ARIH1: variants seen among roughly 807,000 people sequenced by gnomAD.
ARIH1 encodes the protein ariadne RBR E3 ubiquitin protein ligase 1.
ARIH1 carries 8 observed loss-of-function variants against 85.0 expected under a neutral mutation model. That is an observed-to-expected ratio of 0.09 (90% CI 0.06 to 0.17). The LOEUF is 0.17. Among genes scored for constraint, ARIH1 ranks in the 10% least tolerant of loss-of-function variants. The pLI, the probability that ARIH1 is intolerant of heterozygous loss-of-function variation, is 1.00. For synonymous variants in ARIH1, 238 were observed against 253.6 expected (o/e 0.94, Z 0.59); for missense variants, 311 against 718.1 (o/e 0.43, Z 6.48).
intron 2 of ARIH1, among the ~76,000 whole-genome samples, chr15:72,530,496 C>A (rs2064051308): frequency 6.6e-6 from 1 of 152,166 alleles, no homozygotes; most frequent in Admixed American, 6.5e-5. Context: ...GTCCAGAAAA[C>A]CTTAAACCTT....
chr15:72,535,856 TA>T lies in ARIH1; in HGVS notation c.444-8959del, dbSNP rs1254435484. 2.0e-4 allele frequency among the ~76,000 whole-genome samples: 30 copies of T among 152,320 alleles called. 1 individual carries two copies. The highest frequency in any genetic ancestry group is 1.6e-3 in the Admixed American group (24 of 15,290). On this transcript the variant is annotated intron_variant, in intron 2 of 13. Coordinates refer to ENST00000379887, the MANE Select transcript of ARIH1 (RefSeq NM_005744.5). ...TTTCTTTGAAGTAAAAATAGTTTTT[TA>T]AAAATAATGGTTCTTGTCGTTTTGG... is the stretch of plus-strand genomic sequence containing the variant.
At chr15:72,552,566 A>T (rs1437444582) in intron 3 of ARIH1, among the ~76,000 whole-genome samples, 1 of 152,202 alleles carries the variant, frequency 6.6e-6, no homozygotes, top group East Asian at 1.9e-4. Context: ...CTGGGCTTAC[A>T]GGCGTGAGCC....
Position 72,589,151 on chromosome 15 carries a change from C to G in ARIH1, c.*5859C>G, listed in dbSNP as rs1035002543. ...CTTTTGTCTGTATCTTCCAAGCAGCCCTAAAGCAAAATGGGCATTGTTACC... is the reference window on the plus strand; with the variant it reads ...CTTTTGTCTGTATCTTCCAAGCAGCGCTAAAGCAAAATGGGCATTGTTACC... On this transcript the variant is annotated 3_prime_UTR_variant, in exon 14 of 14. Coordinates refer to ENST00000379887, the MANE Select transcript of ARIH1 (RefSeq NM_005744.5). The G allele has an allele frequency of 6.6e-6, 1 of 152,010 alleles. No individual in the cohort carries two copies. Among genetic ancestry groups the G allele is most frequent in the Non-Finnish European group, 1.5e-5 (1 of 68,020 alleles). 9.4% of individuals were successfully genotyped at this position (152,010 alleles called of 1,614,324 possible).
At chr15:72,481,994 G>C (rs931430622) in intron 1 of ARIH1, among the ~76,000 whole-genome samples, 2 of 151,806 alleles carry the variant, frequency 1.3e-5, no homozygotes, top group Non-Finnish European at 2.9e-5. Flanking sequence ...CCACCACTAC[G>C]CCCGGCTAAT....
chr15:72,580,590 A>G, intron 11 of ARIH1, 141 bp from the exon 12 acceptor site: 1 of 779,288 alleles, frequency 1.3e-6, no homozygotes, highest in Non-Finnish European at 2.0e-6. Context: ...ATCTTTGCCA[A>G]GACTTATCTT....
intron 3 of ARIH1, among the ~76,000 whole-genome samples, chr15:72,552,185 G>A (rs1397553425): frequency 2.6e-5 from 4 of 152,162 alleles, no homozygotes; most frequent in Non-Finnish European, 5.9e-5. Flanking sequence ...AAAAAAAAAG[G>A]CAGTGTAAAG....
intron 6 of ARIH1, among the ~76,000 whole-genome samples, chr15:72,561,830 G>A (rs1166102967): frequency 2.6e-5 from 4 of 152,054 alleles, no homozygotes; most frequent in African/African-American, 9.7e-5. Flanking sequence ...AAAATTAGCT[G>A]GGCACAGTGG....
chr15:72,521,241 C>T (rs2063998577), intron 2 of ARIH1, among the ~76,000 whole-genome samples: 1 of 123,342 alleles, frequency 8.1e-6, no homozygotes, highest in Non-Finnish European at 1.6e-5. Context: ...TTTTTGCATA[C>T]CACTATTTTT....
intron 5 of ARIH1, among the ~76,000 whole-genome samples, chr15:72,559,947 T>A (rs2064190881): frequency 1.3e-5 from 2 of 152,346 alleles, no homozygotes; most frequent in South Asian, 4.1e-4. Context: ...ATATGAACAT[T>A]TGTGTACAAG....
intron 6 of ARIH1, among the ~76,000 whole-genome samples, chr15:72,561,879 A>G (rs1306781372): frequency 6.6e-6 from 1 of 152,238 alleles, no homozygotes; most frequent in Non-Finnish European, 1.5e-5. Context: ...AGGCTGAGGC[A>G]GGAGAATCGC....
In ARIH1 at chr15:72,586,017, T is replaced by G. The variant is rs2064315134; in HGVS notation, c.*2725T>G. 6.6e-6 allele frequency: 1 copy of G among 152,212 alleles called. No individual in the cohort carries two copies. Among genetic ancestry groups the G allele is most frequent in the African/African-American group, 2.4e-5 (1 of 41,454 alleles). 9.4% of individuals were successfully genotyped at this position (152,212 alleles called of 1,614,324 possible). A position where few individuals can be genotyped will look rare whatever the true frequency, so the allele number is the denominator to read the frequency against. ...TTTGAACAATTCATTCAGCAGCAGA[T>G]GGACTTTCAGTGATTTAAAATAAAA... On this transcript the variant is annotated 3_prime_UTR_variant, in exon 14 of 14. Transcript: ENST00000379887.
In ARIH1 at chr15:72,523,242, G is replaced by T. The variant is rs2706457; in HGVS notation, c.443+5108G>T. Among the ~76,000 whole-genome samples, 321 of 152,298 alleles carry T rather than the reference G, an allele frequency of 2.1e-3. 1 individual carries two copies. Among genetic ancestry groups the T allele is most frequent in the African/African-American group, 7.6e-3 (316 of 41,566 alleles). On this transcript the variant is annotated intron_variant, in intron 2 of 13. Transcript: ENST00000379887. Reference sequence around the variant, plus strand: ...ATTGCCAAAACTTGGAAGCAACCAAGATGTCTTTCAGTAGATGAAAGGATG... The same window carrying T: ...ATTGCCAAAACTTGGAAGCAACCAATATGTCTTTCAGTAGATGAAAGGATG...
At position 72,583,484 on chromosome 15, in the gene ARIH1, CAA is replaced by C; in HGVS notation, c.*193_*194del. On this transcript the variant is annotated 3_prime_UTR_variant, in exon 14 of 14. Transcript: ENST00000379887. ...ATAAAAAGGTAGATAAACCATTGTACAACAGTATTCTAGGCCACCAACAAAAG... is the reference window on the plus strand; with the variant it reads ...ATAAAAAGGTAGATAAACCATTGTACCAGTATTCTAGGCCACCAACAAAAG... The C allele has an allele frequency of 2.1e-6, 1 of 485,476 alleles. No individual in the cohort carries two copies. Among genetic ancestry groups the C allele is most frequent in the Non-Finnish European group, 3.6e-6 (1 of 274,088 alleles). The allele number at this position is 485,476 out of a possible 1,614,324, so 30.1% of individuals were successfully genotyped here.
At chr15:72,562,595 GT>G (rs1473801716) in intron 6 of ARIH1, among the ~76,000 whole-genome samples, 1 of 150,388 alleles carries the variant, frequency 6.6e-6, no homozygotes, top group Admixed American at 6.6e-5. Flanking sequence ...TAGGAACTGG[GT>G]TTTTTGTTTG....
chr15:72,559,876 G>T (rs1336647936), intron 5 of ARIH1, among the ~76,000 whole-genome samples: 1 of 152,034 alleles, frequency 6.6e-6, no homozygotes, highest in Non-Finnish European at 1.5e-5. Context: ...CCTTTTCATT[G>T]CTGAATAATG....
At chr15:72,545,950 G>A (rs2064127218) in intron 3 of ARIH1, among the ~76,000 whole-genome samples, 1 of 152,208 alleles carries the variant, frequency 6.6e-6, no homozygotes, top group Admixed American at 6.5e-5. Flanking sequence ...AATTACAACT[G>A]TCTTGTTCAT....
At chr15:72,560,173 G>T (rs2064191840) in intron 5 of ARIH1, among the ~76,000 whole-genome samples, 1 of 152,108 alleles carries the variant, frequency 6.6e-6, no homozygotes, top group South Asian at 2.1e-4. Context: ...GACACCTGGG[G>T]ATCCTTTCAT....
intron 3 of ARIH1, among the ~76,000 whole-genome samples, chr15:72,550,282 T>C (rs1595867537): frequency 6.6e-6 from 1 of 152,320 alleles, no homozygotes; most frequent in East Asian, 1.9e-4. Flanking sequence ...TTATGAACTA[T>C]CTTTTTATCT....
At chr15:72,521,247 T>A (rs2063998660) in intron 2 of ARIH1, among the ~76,000 whole-genome samples, 1 of 145,326 alleles carries the variant, frequency 6.9e-6, no homozygotes, top group South Asian at 2.4e-4. Context: ...CATACCACTA[T>A]TTTTTTTCTA....
Sources: allele counts gnomAD v4.1 joint callset (sites outside exome capture counted in the v4.1 genomes callset), GRCh38; gene constraint gnomAD v4.1.1; transcripts MANE v1.5; gene names NCBI Gene and HGNC (gene_info 2026-07-23, HGNC 2026-07-21).